The following RFX7 variants were observed in gnomAD, a reference collection of about 807,000 sequenced individuals.
The protein encoded by RFX7 is DNA-binding protein RFX7.
A neutral mutation model predicts 111.8 loss-of-function variants in RFX7; 26 were observed. The ratio of observed to expected loss-of-function variants is 0.23; its 90% CI spans 0.17 to 0.32. RFX7 has a LOEUF of 0.32. Among genes scored for constraint, RFX7 ranks in the 10% least tolerant of loss-of-function variants. RFX7 has a pLI of 1.00. For missense variants in RFX7, 1,573 were observed against 1,772.9 expected, an observed-to-expected ratio of 0.89 and a Z score of 2.02; for synonymous variants, 624 against 624.4, an observed-to-expected ratio of 1.00 and a Z score of 0.01.
intron 3 of RFX7, among the ~76,000 whole-genome samples, chr15:56,175,396 A>G (rs1595987451): frequency 6.6e-6 from 1 of 152,310 alleles, no homozygotes; most frequent in East Asian, 1.9e-4. Flanking sequence ...ATCCAAGTAG[A>G]ACTTTTTTTA....
At chr15:56,176,939 TAA>T (rs33975389) in intron 3 of RFX7, among the ~76,000 whole-genome samples, 19,826 of 148,462 alleles carry the variant, frequency 0.13, 1,757 homozygotes, top group East Asian at 0.45. Flanking sequence ...GCCAGGGTAT[TAA>T]AAAAAAAAAA....
chr15:56,143,761 A>G (rs554137473), intron 4 of RFX7, among the ~76,000 whole-genome samples: 1 of 152,294 alleles, frequency 6.6e-6, no homozygotes, highest in Non-Finnish European at 1.5e-5. Context: ...AATAATTTGC[A>G]TTTCATTTAT....
rs544518105 is a variant in RFX7, at chr15:56,192,217, A to G, written c.162-12914T>C. ...TAATAATAACTTCGGATAGATTACA[A>G]TCAAAATGCTTATCAAATAGACTGT... On this transcript the variant is annotated intron_variant, in intron 2 of 9. Coordinates refer to ENST00000559447, the MANE Select transcript of RFX7 (RefSeq NM_022841.7). 72 of 153,078 alleles carry G rather than the reference A, an allele frequency of 4.7e-4. No homozygotes were observed. The South Asian group carries it at 4.7e-3, about 10-fold the overall frequency. 9.5% of individuals were successfully genotyped at this position (153,078 alleles called of 1,614,324 possible).
intron 2 of RFX7, among the ~76,000 whole-genome samples, chr15:56,240,434 C>CT (rs1236352738): frequency 2.0e-5 from 3 of 152,034 alleles, no homozygotes; most frequent in East Asian, 3.8e-4. Flanking sequence ...ACTTTGAATG[C>CT]TTTTTTTCCA....
rs1223945444 is a variant in RFX7, at chr15:56,088,521, G to A, written c.*4824C>T. 1 of 152,048 alleles carries A rather than the reference G, an allele frequency of 6.6e-6. No individual in the cohort carries two copies. Among genetic ancestry groups the A allele is most frequent in the Non-Finnish European group, 1.5e-5 (1 of 67,984 alleles). 9.4% of individuals were successfully genotyped at this position (152,048 alleles called of 1,614,324 possible). ...TCTTAAAAATCAAATCTTGAAAAAT[G>A]TAGTCTTTTTGTTTTGTTCTTTTTT... is the stretch of plus-strand genomic sequence containing the variant. On this transcript the variant is annotated 3_prime_UTR_variant, in exon 10 of 10. Coordinates refer to ENST00000559447, the MANE Select transcript of RFX7 (RefSeq NM_022841.7).
intron 3 of RFX7, among the ~76,000 whole-genome samples, chr15:56,178,099 G>A (rs1225720179): frequency 6.7e-6 from 1 of 149,736 alleles, no homozygotes; most frequent in Non-Finnish European, 1.5e-5. Flanking sequence ...GTAAAAGGGA[G>A]GTAACAAGAT....
Position 56,095,049 on chromosome 15 carries a change from A to G in RFX7, c.2679T>C (p.Leu893=). The stretch of plus-strand genomic sequence containing the variant: ...TGTTCATTGACATTTGCTGCTCCAT[A>G]AGCACCAGCTCTTCCACAATACTAT... ...TQDSIVEELV[L]MEQQMSMNNS... The change falls in exon 10 of 10, where the codon CTT becomes CTC. Residue 893 remains leucine (L), a synonymous_variant. Coordinates refer to ENST00000559447, the MANE Select transcript of RFX7 (RefSeq NM_022841.7). 3.1e-6 allele frequency: 5 copies of G among 1,613,990 alleles called. No individual in the cohort carries two copies. Among genetic ancestry groups the G allele is most frequent in the East Asian group, 2.2e-5 (1 of 44,884 alleles).
intron 1 of RFX7, 73 bp from the exon 2 acceptor site, chr15:56,243,360 A>T: frequency 3.4e-6 from 2 of 590,514 alleles, no homozygotes; most frequent in Non-Finnish European, 4.3e-6. Flanking sequence ...CCGGGAGGGG[A>T]GGACGAAGGG....
intron 5 of RFX7, among the ~76,000 whole-genome samples, chr15:56,134,594 TTCTTTTTTTTTTTTTTTTACTTTC>T (rs2042265654): frequency 1.3e-5 from 1 of 74,812 alleles, no homozygotes; most frequent in Non-Finnish European, 2.8e-5. Context: ...CTAAATCACT[TTCTTTTTTTTTTTTTTTTACTTTC>T]TTTTTTTTTT....
At chr15:56,127,858 A>G (rs547111226) in intron 5 of RFX7, among the ~76,000 whole-genome samples, 1 of 152,178 alleles carries the variant, frequency 6.6e-6, no homozygotes, top group Admixed American at 6.5e-5. Context: ...AAAGATTAAC[A>G]AAACTAACAA....
chr15:56,138,531 C>G (rs1486179043), intron 5 of RFX7, among the ~76,000 whole-genome samples: 32 of 150,156 alleles, frequency 2.1e-4, no homozygotes, highest in Middle Eastern at 3.4e-3. Flanking sequence ...GATGGGTTTC[C>G]TGAATACAGC....
intron 3 of RFX7, among the ~76,000 whole-genome samples, chr15:56,150,172 T>C (rs1238279412): frequency 6.6e-6 from 1 of 152,188 alleles, no homozygotes; most frequent in Non-Finnish European, 1.5e-5. Flanking sequence ...CCAGACTGCC[T>C]GATTGCCCCT....
intron 3 of RFX7, 74 bp downstream of exon 3, chr15:56,179,196 T>C: frequency 1.4e-6 from 1 of 696,364 alleles, no homozygotes; most frequent in Middle Eastern, 3.1e-4. Context: ...CAATATTTAC[T>C]TGAAAACTGT....
At chr15:56,173,503 G>A (rs781099859) in intron 3 of RFX7, among the ~76,000 whole-genome samples, 6 of 152,202 alleles carry the variant, frequency 3.9e-5, no homozygotes, top group Admixed American at 1.3e-4. Flanking sequence ...ACCACAGGCC[G>A]GACACAGTGG....
intron 2 of RFX7, among the ~76,000 whole-genome samples, chr15:56,196,954 A>C (rs1462127288): frequency 1.3e-5 from 2 of 152,136 alleles, no homozygotes; most frequent in African/African-American, 4.8e-5. Flanking sequence ...GTTGATCTTC[A>C]ACTTTCTAAT....
chr15:56,108,710 G>GAGAA (rs2041864542), intron 5 of RFX7, among the ~76,000 whole-genome samples: 1 of 152,116 alleles, frequency 6.6e-6, no homozygotes, highest in Non-Finnish European at 1.5e-5. Flanking sequence ...AATCAGGCAA[G>GAGAA]AGAAAGAAAG....
chr15:56,124,627 C>G (rs1405034575), intron 5 of RFX7, among the ~76,000 whole-genome samples: 1 of 152,124 alleles, frequency 6.6e-6, no homozygotes, highest in Non-Finnish European at 1.5e-5. Flanking sequence ...GAGCATTTTT[C>G]CACGTACCTA....
At chr15:56,144,605 CTG>C (rs2042443900) in intron 3 of RFX7, 122 bp from the exon 4 acceptor site, 2 of 337,458 alleles carry the variant, frequency 5.9e-6, no homozygotes, top group Admixed American at 3.6e-5. Flanking sequence ...GATGAATCAT[CTG>C]TCTTTTCTCA....
intron 2 of RFX7, among the ~76,000 whole-genome samples, chr15:56,207,238 T>A (rs553119350): frequency 6.6e-6 from 1 of 152,100 alleles, no homozygotes; most frequent in Non-Finnish European, 1.5e-5. Flanking sequence ...AATTCTGAGA[T>A]AGAAAGTAGA....
Sources: gnomAD v4.1 joint callset for allele counts (sites outside exome capture counted in the v4.1 genomes callset) on GRCh38, gnomAD v4.1.1 for gene constraint, MANE v1.5 for transcripts, NCBI Gene and HGNC (gene_info 2026-07-23, HGNC 2026-07-21) for gene names.